The following STXBP5 variants were observed in gnomAD, a reference collection of about 807,000 sequenced individuals.
STXBP5 encodes syntaxin-binding protein 5.
A neutral mutation model predicts 152.4 loss-of-function variants in STXBP5; 50 were observed. The observed-to-expected ratio is 0.33, with a 90% CI of 0.26 to 0.42. STXBP5 has a LOEUF of 0.42. Ranked by LOEUF, STXBP5 falls within the 10% of genes least tolerant of loss-of-function variation. The pLI, the probability that STXBP5 is intolerant of heterozygous loss-of-function variation, is 1.00. For synonymous variants in STXBP5, 492 were observed against 494.7 expected (o/e 0.99, Z 0.07); for missense variants, 1,167 against 1,388.6 (o/e 0.84, Z 2.54).
chr6:147,263,859 AT>A (rs1779760187), intron 6 of STXBP5, among the ~76,000 whole-genome samples: 2 of 151,936 alleles, frequency 1.3e-5, no homozygotes, highest in Admixed American at 6.6e-5. Flanking sequence ...TAGTTATGAA[AT>A]TTTATGGTAT....
intron 7 of STXBP5, among the ~76,000 whole-genome samples, chr6:147,274,647 A>G (rs1304538750): frequency 6.6e-6 from 1 of 152,154 alleles, no homozygotes; most frequent in Non-Finnish European, 1.5e-5. Context: ...TTATATAAGA[A>G]TAATAAAACT....
chr6:147,237,977 G>C (rs562689940), intron 3 of STXBP5, among the ~76,000 whole-genome samples: 1 of 152,098 alleles, frequency 6.6e-6, no homozygotes, highest in Non-Finnish European at 1.5e-5. Flanking sequence ...TAATAAATCA[G>C]CTCTAGTCTA....
At chr6:147,210,637 C>T (rs1442656472) in intron 2 of STXBP5, among the ~76,000 whole-genome samples, 1 of 152,150 alleles carries the variant, frequency 6.6e-6, no homozygotes, top group African/African-American at 2.4e-5. Flanking sequence ...CCAGACCCTC[C>T]AACACACTTC....
chr6:147,338,442 A>G (rs1783936403), intron 19 of STXBP5, among the ~76,000 whole-genome samples: 1 of 152,006 alleles, frequency 6.6e-6, no homozygotes, highest in African/African-American at 2.4e-5. Context: ...TGATCAACCA[A>G]AATACTACTT....
intron 9 of STXBP5, among the ~76,000 whole-genome samples, chr6:147,303,312 T>G (rs1436082755): frequency 6.6e-6 from 1 of 152,118 alleles, no homozygotes; most frequent in Non-Finnish European, 1.5e-5. Context: ...TAAGTTCTCA[T>G]GAGATCTGAT....
At chr6:147,346,322 GC>G (rs1784326983) in intron 21 of STXBP5, among the ~76,000 whole-genome samples, 1 of 152,142 alleles carries the variant, frequency 6.6e-6, no homozygotes, top group Non-Finnish European at 1.5e-5. Context: ...CAGAGTACAA[GC>G]CAGGAGGACC....
At chr6:147,259,344 TGTGA>T (rs1779535524) in intron 4 of STXBP5, among the ~76,000 whole-genome samples, 1 of 152,186 alleles carries the variant, frequency 6.6e-6, no homozygotes, top group Non-Finnish European at 1.5e-5. Context: ...AAGTGAGCCT[TGTGA>T]GTAACAAAGT....
intron 19 of STXBP5, among the ~76,000 whole-genome samples, chr6:147,335,774 C>A (rs543524771): frequency 6.6e-6 from 1 of 151,688 alleles, no homozygotes; most frequent in South Asian, 2.1e-4. Flanking sequence ...GCACTCCAGC[C>A]TGGGCGACAG....
At chr6:147,332,657 A>C (rs886329347) in intron 18 of STXBP5, among the ~76,000 whole-genome samples, 4 of 152,210 alleles carry the variant, frequency 2.6e-5, no homozygotes, top group Non-Finnish European at 4.4e-5. Flanking sequence ...AACAGGATAC[A>C]GTATACTGTA....
At chr6:147,352,689 A>G (rs1784643401) in intron 21 of STXBP5, among the ~76,000 whole-genome samples, 1 of 152,182 alleles carries the variant, frequency 6.6e-6, no homozygotes, top group South Asian at 2.1e-4. Flanking sequence ...ACCCAAACTT[A>G]GTCTTAGGCC....
intron 4 of STXBP5, among the ~76,000 whole-genome samples, chr6:147,256,203 T>A (rs117326863): frequency 1.6e-4 from 24 of 152,322 alleles, no homozygotes; most frequent in African/African-American, 5.5e-4. Context: ...TCCCCACTGC[T>A]GCTGCTCCAT....
At chr6:147,241,374 T>C (rs748286514) in intron 4 of STXBP5, among the ~76,000 whole-genome samples, 1 of 152,222 alleles carries the variant, frequency 6.6e-6, no homozygotes, top group African/African-American at 2.4e-5. Flanking sequence ...CGTAATGTCA[T>C]GTATCTACCA....
intron 7 of STXBP5, among the ~76,000 whole-genome samples, chr6:147,270,953 C>G (rs1350843453): frequency 6.6e-6 from 1 of 151,808 alleles, no homozygotes; most frequent in Non-Finnish European, 1.5e-5. Flanking sequence ...ATTGTAAATC[C>G]TAAAGGAAAT....
intron 18 of STXBP5, among the ~76,000 whole-genome samples, chr6:147,332,791 C>G (rs1355208744): frequency 1.3e-5 from 2 of 152,130 alleles, no homozygotes; most frequent in Non-Finnish European, 2.9e-5. Context: ...AAACTAAATC[C>G]TCTCTATCCA....
chr6:147,243,879 T>C (rs2115235802), intron 4 of STXBP5, among the ~76,000 whole-genome samples: 1 of 152,262 alleles, frequency 6.6e-6, no homozygotes, highest in African/African-American at 2.4e-5. Context: ...TTGAATTGTA[T>C]TTGCTCCTTT....
At chr6:147,348,287 C>T (rs903611764) in intron 21 of STXBP5, among the ~76,000 whole-genome samples, 7 of 152,072 alleles carry the variant, frequency 4.6e-5, no homozygotes, top group African/African-American at 1.7e-4. Flanking sequence ...CCTCTTCATG[C>T]AAGGGAAAGA....
chr6:147,209,972 A>G (rs979794569), intron 2 of STXBP5, among the ~76,000 whole-genome samples: 1 of 152,216 alleles, frequency 6.6e-6, no homozygotes, highest in African/African-American at 2.4e-5. Context: ...TATCTGCATG[A>G]TATTCAGTTA....
chr6:147,219,799 G>GTTTTTTTTTTTTTTTTTTTTTTT (rs35444906), intron 2 of STXBP5, among the ~76,000 whole-genome samples: 1 of 86,104 alleles, frequency 1.2e-5, no homozygotes, highest in African/African-American at 4.5e-5. Context: ...CTAGAAGCTT[G>GTTTTTTTTTTTTTTTTTTTTTTT]TTTTTTTTTT....
intron 25 of STXBP5, 147 bp downstream of exon 25, chr6:147,364,313 A>G (rs1785196879): frequency 4.5e-6 from 3 of 674,124 alleles, no homozygotes; most frequent in Non-Finnish European, 7.2e-6. Flanking sequence ...TTCAGAGCAC[A>G]TGCTTTGAGA....
Sources: allele counts gnomAD v4.1 joint callset (sites outside exome capture counted in the v4.1 genomes callset), GRCh38; gene constraint gnomAD v4.1.1; transcripts MANE v1.5; gene names NCBI Gene and HGNC (gene_info 2026-07-23, HGNC 2026-07-21).